DNAJC11: variants seen among roughly 807,000 people sequenced by gnomAD.
The protein encoded by DNAJC11 is DnaJ heat shock protein family (Hsp40) member C11, also known as dnaJ homolog subfamily C member 11.
Under a neutral mutation model 78.6 loss-of-function variants are expected in DNAJC11, and 15 were observed. That is an observed-to-expected ratio of 0.19 (90% CI 0.13 to 0.29). The LOEUF (loss-of-function observed/expected upper bound fraction) is 0.29, where lower values mean the gene tolerates loss of function less well. DNAJC11 is among the 10% of genes least tolerant of loss of function. The probability of loss-of-function intolerance (pLI) is 1.00; values close to 1 mark genes in which losing one functional copy is unlikely to be tolerated. For synonymous variants in DNAJC11, 292 were observed against 272.1 expected (o/e 1.07, Z -0.72); for missense variants, 547 against 709.6 (o/e 0.77, Z 2.60).
At chr1:6,637,878 C>T in intron 12 of DNAJC11, 2 of 415,884 alleles carry the variant, frequency 4.8e-6, no homozygotes, top group Non-Finnish European at 8.8e-6. Flanking sequence ...CCCAGCTCCT[C>T]TTGAGAAAGG....
chr1:6,664,030 G>T (rs1444792907), intron 4 of DNAJC11, among the ~76,000 whole-genome samples: 1 of 152,156 alleles, frequency 6.6e-6, no homozygotes, highest in East Asian at 1.9e-4. Context: ...ATGTGTGTGT[G>T]TGTGTGCATG....
At chr1:6,642,270 G>A (rs906615131) in intron 10 of DNAJC11, among the ~76,000 whole-genome samples, 1 of 152,178 alleles carries the variant, frequency 6.6e-6, no homozygotes, top group African/African-American at 2.4e-5. Context: ...GAAGACAGAC[G>A]TGAACTGCCT....
chr1:6,680,777 A>G lies in DNAJC11; in HGVS notation c.202+131T>C. The G allele has an allele frequency of 9.1e-7, 1 of 1,100,202 alleles. No homozygotes were observed. 68.2% of individuals were successfully genotyped at this position (1,100,202 alleles called of 1,614,324 possible). ...TTCTTTCAAAGGACCCTGTCAGTGA[A>G]AAGTACTAAACTAACCACCTGTTTT... On this transcript the variant is annotated intron_variant, in intron 2 of 15. Transcript: ENST00000377577. The surrounding 1 kb of genome is among the most constrained non-coding windows in gnomAD (Gnocchi z 4.0).
intron 4 of DNAJC11, among the ~76,000 whole-genome samples, chr1:6,659,330 C>T (rs1642173340): frequency 6.6e-6 from 1 of 152,190 alleles, no homozygotes; most frequent in Non-Finnish European, 1.5e-5. Flanking sequence ...CCAGATTCAC[C>T]TCTCCATTTT....
intron 7 of DNAJC11, among the ~76,000 whole-genome samples, chr1:6,648,403 G>A (rs1472240017): frequency 1.3e-5 from 2 of 152,180 alleles, no homozygotes; most frequent in Admixed American, 1.3e-4. Context: ...CGACCCGCCT[G>A]CCTTGGCCTC....
At chr1:6,643,815 A>C (rs1369180963) in intron 10 of DNAJC11, among the ~76,000 whole-genome samples, 1 of 151,842 alleles carries the variant, frequency 6.6e-6, no homozygotes, top group African/African-American at 2.4e-5. Context: ...CACCTCACTC[A>C]CTCGGTGTTG....
chr1:6,691,768 C>T (rs1270649358), intron 1 of DNAJC11, among the ~76,000 whole-genome samples: 1 of 152,198 alleles, frequency 6.6e-6, no homozygotes, highest in Non-Finnish European at 1.5e-5. Flanking sequence ...ATTTTCATCT[C>T]GAAGGAGGTT....
chr1:6,637,041 G>C (rs1418682493), intron 14 of DNAJC11, among the ~76,000 whole-genome samples, 157 bp downstream of exon 14: 1 of 152,128 alleles, frequency 6.6e-6, no homozygotes, highest in African/African-American at 2.4e-5. Context: ...GTAGAGATAG[G>C]GTTTTGCCAT....
chr1:6,652,464 C>T (rs1489988222), intron 6 of DNAJC11, among the ~76,000 whole-genome samples: 3 of 152,112 alleles, frequency 2.0e-5, no homozygotes, highest in Non-Finnish European at 2.9e-5. Context: ...GAATTTTGCT[C>T]TTGTCCCCCA....
rs777957842 is a variant in DNAJC11, at chr1:6,651,638, G to GT, written c.631-37dup. The GT allele has an allele frequency of 2.0e-5, 32 of 1,565,102 alleles. No homozygotes were observed. In the African/African-American group the frequency reaches 3.9e-4, roughly 19 times the overall value. ...AGGAAAAAGAGAAGGCATTAATGGT[G>GT]TTTTATCTCATAGCAGCAACCCAGG... On this transcript the variant is annotated intron_variant, in intron 6 of 15. Transcript: ENST00000377577.
At chr1:6,638,504 AT>A in intron 11 of DNAJC11, 140 bp from the exon 12 acceptor site, 1 of 679,608 alleles carries the variant, frequency 1.5e-6, no homozygotes, top group Non-Finnish European at 2.2e-6. Flanking sequence ...TTTAAAAAAT[AT>A]TCCCACGACA....
intron 1 of DNAJC11, among the ~76,000 whole-genome samples, chr1:6,687,408 G>A (rs1270605365): frequency 7.0e-6 from 1 of 143,670 alleles, no homozygotes; most frequent in Non-Finnish European, 1.5e-5. Context: ...CCAGGCTGGA[G>A]TGCAGTGGCA....
intron 1 of DNAJC11, among the ~76,000 whole-genome samples, chr1:6,689,316 A>G (rs1642704750): frequency 6.6e-6 from 1 of 152,218 alleles, no homozygotes; most frequent in Non-Finnish European, 1.5e-5. Context: ...GAAGTCCTAG[A>G]GGATTCACGG....
At chr1:6,686,729 A>G (rs906255152) in intron 1 of DNAJC11, among the ~76,000 whole-genome samples, 1 of 152,254 alleles carries the variant, frequency 6.6e-6, no homozygotes, top group East Asian at 1.9e-4. Context: ...CGGTACTTAT[A>G]CCTACCATGA....
Position 6,670,039 on chromosome 1 carries a change from C to T in DNAJC11, c.277-2229G>A, listed in dbSNP as rs145811762. 1.6e-3 allele frequency among the ~76,000 whole-genome samples: 245 copies of T among 151,920 alleles called. 1 individual carries two copies. The highest frequency in any genetic ancestry group is 5.5e-3 in the African/African-American group (228 of 41,388). The stretch of plus-strand genomic sequence containing the variant: ...TGCGATCTCAGCTCACTGCAAGCTC[C>T]GCCTCCCTGGTTCACACCATTCTCC... On this transcript the variant is annotated intron_variant, in intron 3 of 15. Transcript: ENST00000377577.
chr1:6,649,055 C>T (rs1212115495), intron 7 of DNAJC11, among the ~76,000 whole-genome samples: 1 of 151,984 alleles, frequency 6.6e-6, no homozygotes, highest in African/African-American at 2.4e-5. Context: ...TACAGTGGTG[C>T]AATCTCAGCT....
rs748875908 is a variant in DNAJC11 at position 6,634,614 on chromosome 1, C to A, written c.*1061G>T. On this transcript the variant is annotated 3_prime_UTR_variant, in exon 16 of 16. Transcript: ENST00000377577. Reference sequence around the variant, plus strand: ...TCCAGGCCCCGAGAGACAGGCCTCACGTAACTTTACTGCAGCCGAGGTCCA... The same window carrying A: ...TCCAGGCCCCGAGAGACAGGCCTCAAGTAACTTTACTGCAGCCGAGGTCCA... 1 of 1,366,352 alleles carries A rather than the reference C, an allele frequency of 7.3e-7. No homozygotes were observed. The highest frequency in any genetic ancestry group is 1.9e-5 in the Admixed American group (1 of 52,544). The allele number at this position is 1,366,352 out of a possible 1,614,324, so 84.6% of individuals were successfully genotyped here. A position where few individuals can be genotyped will look rare whatever the true frequency, so the allele number is the denominator to read the frequency against.
intron 6 of DNAJC11, among the ~76,000 whole-genome samples, chr1:6,652,568 T>G (rs1035246164): frequency 1.3e-5 from 2 of 152,190 alleles, no homozygotes; most frequent in East Asian, 1.9e-4. Flanking sequence ...GCCTCCCAAG[T>G]AGCTGGGATT....
intron 1 of DNAJC11, among the ~76,000 whole-genome samples, chr1:6,692,012 T>C (rs1259613455): frequency 6.6e-6 from 1 of 152,230 alleles, no homozygotes; most frequent in Non-Finnish European, 1.5e-5. Flanking sequence ...ACAATAAAAT[T>C]CTACAGCCAA....
Sources: gnomAD v4.1 joint callset for allele counts (sites outside exome capture counted in the v4.1 genomes callset) on GRCh38, gnomAD v4.1.1 for gene constraint, Gnocchi (gnomAD v3.1) non-coding constraint, MANE v1.5 for transcripts, NCBI Gene and HGNC (gene_info 2026-07-23, HGNC 2026-07-21) for gene names.